DSG3: variants seen among roughly 807,000 people sequenced by gnomAD.
DSG3 encodes desmoglein-3.
A neutral mutation model predicts 85.9 loss-of-function variants in DSG3; 63 were observed. The ratio of observed to expected loss-of-function variants is 0.73; its 90% CI spans 0.60 to 0.90. DSG3 has a LOEUF of 0.90. DSG3 is among the 40% of genes least tolerant of loss of function. The pLI is 0.00. For synonymous variants in DSG3, 447 were observed against 441.9 expected, an observed-to-expected ratio of 1.01 and a Z score of -0.14; for missense variants, 1,220 against 1,219.9, an observed-to-expected ratio of 1.00 and a Z score of 0.00.
chr18:31,455,174 C>G (rs1466194570), intron 1 of DSG3, among the ~76,000 whole-genome samples: 1 of 152,092 alleles, frequency 6.6e-6, no homozygotes, highest in Non-Finnish European at 1.5e-5. Context: ...GATTATAATA[C>G]TAGAATCTCC....
chr18:31,465,571 T>G, intron 10 of DSG3, 114 bp downstream of exon 10: 4 of 1,004,772 alleles, frequency 4.0e-6, no homozygotes, highest in Non-Finnish European at 5.3e-6. Context: ...GAGAGAGAAT[T>G]ATCTTAGGAG....
In DSG3 at chr18:31,458,666, GT is replaced by G. The variant is rs1196670821; in HGVS notation, c.372+70del. ...TATACCATCGCTTTAGAAAGTGACA[GT>G]TTTCTACTGGTAAATTTAGAGGAGA... On this transcript the variant is annotated intron_variant, in intron 4 of 15. Coordinates refer to ENST00000257189, the MANE Select transcript of DSG3 (RefSeq NM_001944.3). The G allele has an allele frequency of 2.6e-6, 4 of 1,523,758 alleles. No individual in the cohort carries two copies. The Admixed American group carries it at 8.0e-5, about 31-fold the overall frequency. 94.4% of individuals were successfully genotyped at this position (1,523,758 alleles called of 1,614,324 possible). A position where few individuals can be genotyped will look rare whatever the true frequency, so the allele number is the denominator to read the frequency against.
At chr18:31,470,745 G>A (rs374502348) in intron 12 of DSG3, among the ~76,000 whole-genome samples, 1 of 152,176 alleles carries the variant, frequency 6.6e-6, no homozygotes, top group South Asian at 2.1e-4. Flanking sequence ...AGAATGATTA[G>A]GATATAATCA....
chr18:31,461,074 T>A, intron 7 of DSG3, 113 bp downstream of exon 7: 1 of 1,273,104 alleles, frequency 7.9e-7, no homozygotes, highest in South Asian at 1.7e-5. Flanking sequence ...CACTTATCTT[T>A]AAAGAAATAT....
intron 12 of DSG3, 108 bp downstream of exon 12, chr18:31,469,457 T>G: frequency 6.8e-7 from 1 of 1,459,866 alleles, no homozygotes; most frequent in Non-Finnish European, 9.1e-7. Flanking sequence ...TCTCTGATGT[T>G]TTATAGGTAA....
Position 31,474,189 on chromosome 18 carries a change from A to G in DSG3, c.2170A>G (p.Lys724Glu), listed in dbSNP as rs2072872244. 1 of 1,614,198 alleles carries G rather than the reference A, an allele frequency of 6.2e-7. No homozygotes were observed. The change falls in exon 15 of 16, where the codon AAG (lysine) becomes GAG (glutamate). Residue 724 changes from lysine (K) to glutamate (E), a missense_variant. Physicochemically the swap from Lys to Glu is moderately conservative, Grantham distance 56. Coordinates refer to ENST00000257189, the MANE Select transcript of DSG3 (RefSeq NM_001944.3). Reference sequence around the variant, plus strand: ...CACTTCAGGAATGGAAATGACCACTAAGCTTGGAGCAGCCACTGAATCTGG... The same window carrying G: ...CACTTCAGGAATGGAAATGACCACTGAGCTTGGAGCAGCCACTGAATCTGG... ...EGTSGMEMTT[K>E]LGAATESGGA...
rs780645413 is a variant in DSG3 at position 31,469,085 on chromosome 18, A to G, written c.1637-4A>G. 6 of 1,612,234 alleles carry G rather than the reference A, an allele frequency of 3.7e-6. No homozygotes were observed. Among genetic ancestry groups the G allele is most frequent in the East Asian group, 2.2e-5 (1 of 44,850 alleles). The stretch of plus-strand genomic sequence containing the variant: ...TGTTGATTTGCATGATTCTTTCTCT[A>G]CAGCTACCTCGGCCCTCCTCAGAGC... On this transcript the variant is annotated splice_region_variant and splice_polypyrimidine_tract_variant and intron_variant, in intron 11 of 15. Coordinates refer to ENST00000257189, the MANE Select transcript of DSG3 (RefSeq NM_001944.3).
intron 8 of DSG3, among the ~76,000 whole-genome samples, chr18:31,463,287 A>G (rs2072797465): frequency 6.6e-6 from 1 of 152,158 alleles, no homozygotes; most frequent in East Asian, 1.9e-4. Context: ...CCATGTTTAG[A>G]CATCTTTCTC....
chr18:31,463,176 C>T (rs1056521155), intron 8 of DSG3, among the ~76,000 whole-genome samples: 5 of 152,208 alleles, frequency 3.3e-5, no homozygotes, highest in African/African-American at 1.2e-4. Flanking sequence ...AGATGAATAC[C>T]TCTCAGAAAC....
Position 31,476,908 on chromosome 18 carries a change from G to A in DSG3, c.*648G>A, listed in dbSNP as rs998853841. 2.0e-5 allele frequency: 3 copies of A among 149,392 alleles called. No homozygotes were observed. Among genetic ancestry groups the A allele is most frequent in the Non-Finnish European group, 3.0e-5 (2 of 67,692 alleles). The allele number at this position is 149,392 out of a possible 1,614,324, so 9.3% of individuals were successfully genotyped here. A position where few individuals can be genotyped will look rare whatever the true frequency, so the allele number is the denominator to read the frequency against. ...CGGGAAGCGGAGCTTGCAGTGAGCCGAGATTGCGCCACTGCAGTCCGCAGT... is the reference window on the plus strand; with the variant it reads ...CGGGAAGCGGAGCTTGCAGTGAGCCAAGATTGCGCCACTGCAGTCCGCAGT... On this transcript the variant is annotated 3_prime_UTR_variant, in exon 16 of 16. Coordinates refer to ENST00000257189, the MANE Select transcript of DSG3 (RefSeq NM_001944.3).
At chr18:31,460,693 C>T in intron 6 of DSG3, 140 bp from the exon 7 acceptor site, 1 of 736,554 alleles carries the variant, frequency 1.4e-6, no homozygotes, top group East Asian at 3.1e-5. Context: ...TTAAAGACCT[C>T]CACCCAACCA....
At chr18:31,470,684 G>A (rs552737310) in intron 12 of DSG3, among the ~76,000 whole-genome samples, 46 of 152,288 alleles carry the variant, frequency 3.0e-4, no homozygotes, top group Admixed American at 1.4e-3. Flanking sequence ...CTACAAAGGG[G>A]TAATTACAGA....
intron 10 of DSG3, 94 bp downstream of exon 10, chr18:31,465,551 T>C: frequency 8.7e-7 from 1 of 1,146,224 alleles, no homozygotes; most frequent in Admixed American, 3.5e-5. Context: ...ATATTATCTT[T>C]ACCACTGGAG....
In DSG3 at chr18:31,451,816, A is replaced by C. The variant is rs974334888; in HGVS notation, c.48+3891A>C. On this transcript the variant is annotated intron_variant, in intron 1 of 15. Transcript: ENST00000257189. ...AAACCGGTTTTCATCTGGAACTAGA[A>C]CACTCAGTGCTCATGAGGTTTCTCA... is the stretch of plus-strand genomic sequence containing the variant. Among the ~76,000 whole-genome samples, 3 of 152,312 alleles carry C rather than the reference A, an allele frequency of 2.0e-5. No individual in the cohort carries two copies. The East Asian group carries it at 5.8e-4, about 29-fold the overall frequency.
At position 31,475,662 on chromosome 18, in the gene DSG3, C is replaced by T. The variant is rs745351504; in HGVS notation, c.2402C>T (p.Ala801Val). ...SYFSQKAFAC[A>V]EEDDGQEAND... ...CTGTCTTAGAAAGCATTTGCCTGTG[C>T]GGAGGAAGACGATGGCCAGGAAGCA... Residue 801 changes from alanine to valine, a missense_variant, in exon 16 of 16, where the codon GCG becomes GTG. Ala to Val is a moderately conservative substitution (Grantham distance 64). Transcript: ENST00000257189. The T allele has an allele frequency of 1.5e-5, 25 of 1,613,730 alleles. No homozygotes were observed. The highest frequency in any genetic ancestry group is 4.5e-5 in the East Asian group (2 of 44,882).
rs766797853 is a variant in DSG3 at position 31,466,594 on chromosome 18, T to C, written c.1476T>C (p.Cys492=). The stretch of plus-strand genomic sequence containing the variant: ...GAGTACCCGATTTCAATGACAATTG[T>C]CCAACAGCTGTCCTCGAAAAAGATG... The part of the protein sequence containing the change: ...YVRVPDFNDN[C]PTAVLEKDAV... The change falls in exon 11 of 16, where the codon TGT becomes TGC. Residue 492 remains cysteine (C), a synonymous_variant. Coordinates refer to ENST00000257189, the MANE Select transcript of DSG3 (RefSeq NM_001944.3). 17 of 1,614,116 alleles carry C rather than the reference T, an allele frequency of 1.1e-5. No homozygotes were observed. Among genetic ancestry groups the C allele is most frequent in the Non-Finnish European group, 1.4e-5 (16 of 1,180,052 alleles).
chr18:31,457,082 C>T lies in DSG3; in HGVS notation c.174C>T (p.Cys58=), dbSNP rs751917348. The T allele has an allele frequency of 8.7e-6, 14 of 1,612,520 alleles. No homozygotes were observed. The highest frequency in any genetic ancestry group is 8.3e-5 in the Admixed American group (5 of 59,902). The stretch of plus-strand genomic sequence containing the variant: ...AATGGGTGAAATTTGCCAAACCCTG[C>T]AGAGAAGGAGAAGATAACTCAAAAA... ...KREWVKFAKP[C]REGEDNSKRN... The change falls in exon 3 of 16, where the codon TGC becomes TGT. Residue 58 remains cysteine, a synonymous_variant. Coordinates refer to ENST00000257189, the MANE Select transcript of DSG3 (RefSeq NM_001944.3).
Position 31,476,072 on chromosome 18 carries a change from T to G in DSG3, c.2812T>G (p.Ser938Ala). 1 of 1,614,232 alleles carries G rather than the reference T, an allele frequency of 6.2e-7. No homozygotes were observed. The highest frequency in any genetic ancestry group is 1.3e-5 in the African/African-American group (1 of 75,058). Residue 938 changes from serine to alanine, a missense_variant, in exon 16 of 16, where the codon TCG (serine) becomes GCG (alanine). Physicochemically the swap from Ser to Ala is moderately conservative, Grantham distance 99 (BLOSUM62 1). Coordinates refer to ENST00000257189, the MANE Select transcript of DSG3 (RefSeq NM_001944.3). ...TAACTATTTAGTAACGGAGACTTACTCGGCTTCTGGTTCCCTCGTGCAACC... is the reference window on the plus strand; with the variant it reads ...TAACTATTTAGTAACGGAGACTTACGCGGCTTCTGGTTCCCTCGTGCAACC... ...HGNYLVTETYSASGSLVQPST... is the reference protein window; with the variant it reads ...HGNYLVTETYAASGSLVQPST...
Position 31,459,166 on chromosome 18 carries a change from A to G in DSG3, c.506A>G (p.Asn169Ser). Residue 169 changes from asparagine (N) to serine (S), a missense_variant, in exon 5 of 16, where the codon AAT becomes AGT. Asn to Ser is a conservative substitution (Grantham distance 46, BLOSUM62 1). Coordinates refer to ENST00000257189, the MANE Select transcript of DSG3 (RefSeq NM_001944.3). ...ATTTTCATGGGTGAAATTGAAGAAAATAGTGCCTCAAGTAAGTCTTTTACA... is the reference window on the plus strand; with the variant it reads ...ATTTTCATGGGTGAAATTGAAGAAAGTAGTGCCTCAAGTAAGTCTTTTACA... ...QQIFMGEIEE[N>S]SASNSLVMIL... The G allele has an allele frequency of 6.2e-7, 1 of 1,611,970 alleles. No individual in the cohort carries two copies. Among genetic ancestry groups the G allele is most frequent in the Non-Finnish European group, 8.5e-7 (1 of 1,179,766 alleles).
Sources: gnomAD v4.1 joint callset for allele counts (sites outside exome capture counted in the v4.1 genomes callset) on GRCh38, gnomAD v4.1.1 for gene constraint, MANE v1.5 for transcripts, NCBI Gene and HGNC (gene_info 2026-07-23, HGNC 2026-07-21) for gene names.